LRR1: variants seen among roughly 807,000 people sequenced by gnomAD.
LRR1 encodes the protein leucine-rich repeat protein 1.
Under a neutral mutation model 31.6 loss-of-function variants are expected in LRR1, and 29 were observed. The ratio of observed to expected loss-of-function variants is 0.92; its 90% confidence interval spans 0.68 to 1.25. The LOEUF (loss-of-function observed/expected upper bound fraction) is 1.25. Among genes scored for constraint, LRR1 ranks in the 50% most tolerant of loss-of-function variants. The probability of loss-of-function intolerance (pLI) is 0.00; values close to 1 mark genes in which losing one functional copy is unlikely to be tolerated. For synonymous variants in LRR1, 179 were observed against 181.4 expected, an observed-to-expected ratio of 0.99 and a Z score of 0.10; for missense variants, 485 against 487.2, an observed-to-expected ratio of 1.00 and a Z score of 0.04.
rs1039382553 is a variant in LRR1 at position 49,612,409 on chromosome 14, G to T, written c.1005-1847G>T. The stretch of plus-strand genomic sequence containing the variant: ...TTATGATCTATTAGGAAAATATGTG[G>T]GAATTTAAGTTATGTCAGATAGAAA... On this transcript the variant is annotated intron_variant, in intron 3 of 3. Coordinates refer to ENST00000298288, the MANE Select transcript of LRR1 (RefSeq NM_152329.4). The T allele has an allele frequency of 1.3e-5, 14 of 1,112,300 alleles. No individual in the cohort carries two copies. In the South Asian group the frequency reaches 2.5e-4, roughly 20 times the overall value. The allele number at this position is 1,112,300 out of a possible 1,614,324, so 68.9% of individuals were successfully genotyped here.
rs1340052100 is a variant in LRR1, at chr14:49,599,064, C to A, written c.44C>A (p.Pro15His). ...CEVEVISRHL[P>H]ALGLRNRGKG... ...GTGGAGGTGATCAGCCGGCACTTGC[C>A]CGCCTTGGGGCTTAGGAACCGGGGC... The change falls in exon 1 of 4, where the codon CCC becomes CAC. Residue 15 changes from proline (P) to histidine (H), a missense_variant. Physicochemically the swap from Pro to His is moderately conservative, Grantham distance 77 (BLOSUM62 -2). This residue lies in a region of LRR1 where 260 missense variants were observed against 249.6 expected (regional missense o/e 1.04). Transcript: ENST00000298288. The A allele has an allele frequency of 1.2e-6, 2 of 1,609,578 alleles. No homozygotes were observed. Among genetic ancestry groups the A allele is most frequent in the Admixed American group, 1.7e-5 (1 of 59,286 alleles).
At chr14:49,609,830 C>A (rs1384726718) in intron 3 of LRR1, among the ~76,000 whole-genome samples, 1 of 152,100 alleles carries the variant, frequency 6.6e-6, no homozygotes, top group Non-Finnish European at 1.5e-5. Flanking sequence ...CCTCAGCCTT[C>A]CGAGTAGCTG....
At chr14:49,601,705 A>C in intron 1 of LRR1, 1 of 1,287,966 alleles carries the variant, frequency 7.8e-7, no homozygotes, top group Non-Finnish European at 1.0e-6. Flanking sequence ...AATGGGAGAA[A>C]AGGAGCATTC....
rs1220965772 is a variant in LRR1 at position 49,604,967 on chromosome 14, C to A, written c.283-2433C>A. On this transcript the variant is annotated intron_variant, in intron 2 of 3. Transcript: ENST00000298288. ...CTGGAGTGCAGTGGCACCATCACAG[C>A]TCACTGCACCCTCGACCTTCCAGGC... Among the ~76,000 whole-genome samples the A allele has an allele frequency of 4.6e-5, 7 of 151,824 alleles. No homozygotes were observed. The East Asian group carries it at 1.4e-3, about 29-fold the overall frequency.
At chr14:49,612,423 G>A (rs1882545059) in intron 3 of LRR1, 14 of 1,166,656 alleles carry the variant, frequency 1.2e-5, no homozygotes, top group Admixed American at 1.1e-4. Flanking sequence ...TTTAAGTTAT[G>A]TCAGATAGAA....
chr14:49,599,994 A>T, intron 1 of LRR1: 1 of 1,603,804 alleles, frequency 6.2e-7, no homozygotes, highest in South Asian at 1.1e-5. Context: ...CAGCAGCATC[A>T]TGGCTCACGG....
intron 2 of LRR1, among the ~76,000 whole-genome samples, chr14:49,602,802 C>A (rs1363147760): frequency 1.3e-5 from 2 of 151,894 alleles, no homozygotes; most frequent in African/African-American, 4.8e-5. Flanking sequence ...CTTGGCCTGG[C>A]GTGTATTTGC....
At chr14:49,607,322 G>T in intron 2 of LRR1, 78 bp from the exon 3 acceptor site, 1 of 1,358,820 alleles carries the variant, frequency 7.4e-7, no homozygotes, top group Non-Finnish European at 9.8e-7. Context: ...TAATGCCATA[G>T]AATTTGTTAT....
chr14:49,606,948 C>T lies in LRR1; in HGVS notation c.283-452C>T, dbSNP rs1009694842. ...CTGGGATTACAGGCGTGAGCCACTG[C>T]GCCCCACCTAAACTCAAATCTTAAG... On this transcript the variant is annotated intron_variant, in intron 2 of 3. Coordinates refer to ENST00000298288, the MANE Select transcript of LRR1 (RefSeq NM_152329.4). Among the ~76,000 whole-genome samples, 4 of 152,148 alleles carry T rather than the reference C, an allele frequency of 2.6e-5. 1 individual carries two copies. Among genetic ancestry groups the T allele is most frequent in the South Asian group, 4.1e-4 (2 of 4,828 alleles).
chr14:49,613,278 G>A (rs1882580015), intron 3 of LRR1, among the ~76,000 whole-genome samples: 1 of 151,476 alleles, frequency 6.6e-6, no homozygotes, highest in Admixed American at 6.6e-5. Flanking sequence ...GGCGGAGCTT[G>A]CAGTGAGCCG....
chr14:49,610,643 A>G (rs1212767366), intron 3 of LRR1, among the ~76,000 whole-genome samples: 1 of 141,892 alleles, frequency 7.0e-6, no homozygotes, highest in African/African-American at 2.7e-5. Flanking sequence ...GCTCACTGCA[A>G]CCTCTGCCTC....
At chr14:49,609,432 T>A (rs947366086) in intron 3 of LRR1, among the ~76,000 whole-genome samples, 1 of 151,644 alleles carries the variant, frequency 6.6e-6, no homozygotes. Context: ...TGAGACAGAG[T>A]CTCACTGTGT....
At chr14:49,600,085 A>G in intron 1 of LRR1, 2 of 1,597,710 alleles carry the variant, frequency 1.3e-6, no homozygotes, top group East Asian at 2.2e-5. Flanking sequence ...AGCTGTGCCA[A>G]CGACGCCTTC....
At chr14:49,601,316 G>T (rs1410106617) in intron 1 of LRR1, among the ~76,000 whole-genome samples, 1 of 152,096 alleles carries the variant, frequency 6.6e-6, no homozygotes, top group African/African-American at 2.4e-5. Flanking sequence ...TCATCAGATT[G>T]TCAACTCTTT....
intron 1 of LRR1, among the ~76,000 whole-genome samples, chr14:49,601,835 A>C (rs1882067583): frequency 1.3e-5 from 2 of 151,836 alleles, no homozygotes; most frequent in African/African-American, 4.8e-5. Flanking sequence ...AAAAAAAAAA[A>C]AAAACTTTAA....
At chr14:49,601,784 C>G (rs1400963588) in intron 1 of LRR1, 1 of 612,950 alleles carries the variant, frequency 1.6e-6, no homozygotes, top group Non-Finnish European at 2.5e-6. Context: ...CATCCACCAC[C>G]AGCTAGATGA....
Position 49,607,939 on chromosome 14 carries a change from T to G in LRR1, c.822T>G (p.Leu274=), listed in dbSNP as rs1186624149. The G allele has an allele frequency of 6.2e-7, 1 of 1,613,942 alleles. No individual in the cohort carries two copies. Among genetic ancestry groups the G allele is most frequent in the East Asian group, 2.2e-5 (1 of 44,900 alleles). ...GCAAGATAGGACAACTAATAAACCT[T>G]CGCTTTTTGTCAGCAGCTCGAAATA... ...FPCKIGQLIN[L]RFLSAARNKL... Residue 274 remains leucine (L), a synonymous_variant, in exon 3 of 4, where the codon CTT becomes CTG. Coordinates refer to ENST00000298288, the MANE Select transcript of LRR1 (RefSeq NM_152329.4).
intron 2 of LRR1, among the ~76,000 whole-genome samples, chr14:49,604,198 G>T (rs1882200993): frequency 1.3e-5 from 2 of 151,766 alleles, no homozygotes; most frequent in South Asian, 4.2e-4. Flanking sequence ...CCAGCTACTT[G>T]GGAGCCTGAG....
intron 2 of LRR1, among the ~76,000 whole-genome samples, chr14:49,606,430 C>T (rs1205720623): frequency 1.3e-5 from 2 of 151,998 alleles, no homozygotes; most frequent in African/African-American, 4.8e-5. Context: ...CCTCTGCCTC[C>T]CAGGTTCAAG....
Sources: gnomAD v4.1 joint callset for allele counts (sites outside exome capture counted in the v4.1 genomes callset) on GRCh38, gnomAD v4.1.1 for gene constraint, gnomAD v4.1.1 regional missense constraint, MANE v1.5 for transcripts, NCBI Gene and HGNC (gene_info 2026-07-23, HGNC 2026-07-21) for gene names.